The following SYCP2 variants were observed in gnomAD, a reference collection of about 807,000 sequenced individuals.
SYCP2 encodes the protein synaptonemal complex lateral element protein.
In SYCP2, 55 loss-of-function variants were observed where a neutral mutation model predicts 211.3. The observed-to-expected ratio is 0.26, with a 90% CI of 0.21 to 0.33. The LOEUF is 0.33. Ranked by LOEUF, SYCP2 falls within the 10% of genes least tolerant of loss-of-function variation. SYCP2 has a pLI of 1.00. For synonymous variants in SYCP2, 570 were observed against 555.2 expected (o/e 1.03, Z -0.37); for missense variants, 1,731 against 1,752.0 (o/e 0.99, Z 0.21).
chr20:59,889,313 G>A (rs548028083), intron 24 of SYCP2, among the ~76,000 whole-genome samples: 19 of 152,036 alleles, frequency 1.2e-4, no homozygotes, highest in Non-Finnish European at 2.4e-4. Flanking sequence ...GTTAATAATA[G>A]GGGAATGGGT....
chr20:59,868,710 T>G, intron 37 of SYCP2, 125 bp downstream of exon 37: 2 of 1,239,274 alleles, frequency 1.6e-6, no homozygotes, highest in Non-Finnish European at 2.2e-6. Context: ...CAATTCTACC[T>G]AGTTTATTTT....
At chr20:59,878,640 T>C (rs929791274) in intron 31 of SYCP2, among the ~76,000 whole-genome samples, 4 of 152,100 alleles carry the variant, frequency 2.6e-5, no homozygotes, top group Non-Finnish European at 4.4e-5. Flanking sequence ...AATCTGCAGG[T>C]CTTAGTTACT....
chr20:59,871,088 G>T (rs2145612603), intron 35 of SYCP2, among the ~76,000 whole-genome samples: 1 of 151,922 alleles, frequency 6.6e-6, no homozygotes, highest in Admixed American at 6.6e-5. Context: ...ACTAGGAAAA[G>T]AATGTTTACA....
rs755043720 is a variant in SYCP2, at chr20:59,865,856, C to T, written c.4330G>A (p.Glu1444Lys). 7.9e-6 allele frequency: 11 copies of T among 1,390,866 alleles called. No homozygotes were observed. The highest frequency in any genetic ancestry group is 2.1e-5 in the Admixed American group (1 of 47,598). 86.2% of individuals were successfully genotyped at this position (1,390,866 alleles called of 1,614,324 possible). Reference protein sequence around the residue: ...DLEKEFVDFWEKIFQKFSAYQ... With the variant: ...DLEKEFVDFWKKIFQKFSAYQ... The stretch of plus-strand genomic sequence containing the variant: ...GCACTGAACTTCTGAAATATCTTTT[C>T]CCAAAAGTCCTAAATTAATTAATAA... Residue 1444 changes from glutamate (E) to lysine (K), a missense_variant, in exon 42 of 45, where the codon GAA (glutamate) becomes AAA (lysine). Physicochemically the swap from Glu to Lys is moderately conservative, Grantham distance 56. Coordinates refer to ENST00000357552, the MANE Select transcript of SYCP2 (RefSeq NM_014258.4).
intron 1 of SYCP2, 49 bp from the exon 2 acceptor site, chr20:59,932,203 A>G (rs2060761433): frequency 6.6e-6 from 1 of 152,182 alleles, no homozygotes; most frequent in African/African-American, 2.4e-5. Flanking sequence ...CAAAGAAAAC[A>G]ATTTGGCAGA....
chr20:59,929,140 GGCTAATAAA>G (rs2060687325), intron 2 of SYCP2, among the ~76,000 whole-genome samples: 1 of 152,020 alleles, frequency 6.6e-6, no homozygotes, highest in South Asian at 2.1e-4. Context: ...AAACTCAACT[GGCTAATAAA>G]GAAATGAAAA....
At position 59,892,301 on chromosome 20, in the gene SYCP2, C is replaced by A; in HGVS notation, c.2053G>T (p.Ala685Ser). Residue 685 changes from alanine to serine, a missense_variant, in exon 24 of 45, where the codon GCA becomes TCA. This residue lies in a region of SYCP2 where 1,387 missense variants were observed against 1,351.3 expected (regional missense o/e 1.03). Coordinates refer to ENST00000357552, the MANE Select transcript of SYCP2 (RefSeq NM_014258.4). ...TGTTTCTTGCAAACTTCTACTTCTG[C>A]TTTATCTATTTTGATATGGTCGGTT... ...EQTDHIKIDKAEVEVCKKHNQ... is the reference protein window; with the variant it reads ...EQTDHIKIDKSEVEVCKKHNQ... 1.2e-6 allele frequency: 2 copies of A among 1,612,104 alleles called. No individual in the cohort carries two copies. The highest frequency in any genetic ancestry group is 1.7e-6 in the Non-Finnish European group (2 of 1,178,978).
In SYCP2 at chr20:59,869,776, TAA is replaced by T; in HGVS notation, c.3741+20_3741+21del. 1.3e-6 allele frequency: 2 copies of T among 1,490,692 alleles called. No homozygotes were observed. Among genetic ancestry groups the T allele is most frequent in the Non-Finnish European group, 9.2e-7 (1 of 1,086,388 alleles). 92.3% of individuals were successfully genotyped at this position (1,490,692 alleles called of 1,614,324 possible). On this transcript the variant is annotated intron_variant, in intron 36 of 44. Coordinates refer to ENST00000357552, the MANE Select transcript of SYCP2 (RefSeq NM_014258.4). ...ACCATCTTAGTGTAAGGAAAATTTA[TAA>T]GTTATAGTCCCACACTTACCTCTCT...
rs13039338 is a variant in SYCP2, at chr20:59,901,786, G to T, written c.1058C>A (p.Thr353Lys). ...IEVRESKKLLTIILKNTVKIS... is the reference protein window; with the variant it reads ...IEVRESKKLLKIILKNTVKIS... ...TTTTACTGTATTTTTCAGAATTATT[G>T]TCAGTAGCTTCTTTGATTCTCTCAC... is the stretch of plus-strand genomic sequence containing the variant. The change falls in exon 16 of 45, where the codon ACA becomes AAA. Residue 353 changes from threonine to lysine, a missense_variant. By Grantham distance (78) the Thr-to-Lys change is moderately conservative (BLOSUM62 -1). Around this residue, in one of 3 missense-constraint regions of SYCP2, gnomAD observed 1,387 missense variants for 1,351.3 expected, o/e 1.03. Transcript: ENST00000357552. 37,801 of 1,595,860 alleles carry T rather than the reference G, an allele frequency of 0.024. 562 individuals are homozygous for T. Among genetic ancestry groups the T allele is most frequent in the Non-Finnish European group, 0.029 (33,913 of 1,171,176 alleles).
chr20:59,903,109 T>A (rs1430564186), intron 15 of SYCP2, among the ~76,000 whole-genome samples: 1 of 152,150 alleles, frequency 6.6e-6, no homozygotes, highest in Non-Finnish European at 1.5e-5. Context: ...GTACAAAAAT[T>A]TGTCTACCTA....
intron 13 of SYCP2, 141 bp from the exon 14 acceptor site, chr20:59,911,986 G>C (rs936673458): frequency 2.2e-6 from 1 of 452,426 alleles, no homozygotes; most frequent in South Asian, 6.0e-5. Context: ...ATAATATTTA[G>C]ATAAATTTAA....
intron 2 of SYCP2, among the ~76,000 whole-genome samples, chr20:59,927,229 C>G (rs1270529021): frequency 6.6e-6 from 1 of 152,146 alleles, no homozygotes; most frequent in Non-Finnish European, 1.5e-5. Context: ...TTAAATCTTT[C>G]AGTCCTTGGT....
At chr20:59,889,531 CAT>C (rs563223464) in intron 24 of SYCP2, among the ~76,000 whole-genome samples, 82 of 152,008 alleles carry the variant, frequency 5.4e-4, no homozygotes, top group African/African-American at 1.9e-3. Context: ...GGTTATCAGG[CAT>C]ATATAGGTTT....
intron 25 of SYCP2, among the ~76,000 whole-genome samples, 197 bp from the exon 26 acceptor site, chr20:59,886,161 T>A (rs2059784189): frequency 6.6e-6 from 1 of 152,084 alleles, no homozygotes; most frequent in African/African-American, 2.4e-5. Context: ...CGAAGCTGAA[T>A]CATTAATGCA....
chr20:59,920,282 T>G, intron 5 of SYCP2, 77 bp downstream of exon 5: 1 of 1,293,798 alleles, frequency 7.7e-7, no homozygotes. Context: ...TTTCAACAAT[T>G]TGGATAATTT....
rs76832521 is a variant in SYCP2, at chr20:59,916,718, C to T, written c.428-147G>A. ...ACTTTGGAAGGCCCAGATAGGTAGA[C>T]TGCTTGAGCCCAGGAGTTTGAGACC... On this transcript the variant is annotated intron_variant, in intron 7 of 44. Coordinates refer to ENST00000357552, the MANE Select transcript of SYCP2 (RefSeq NM_014258.4). 497 of 557,966 alleles carry T rather than the reference C, an allele frequency of 8.9e-4. 1 individual carries two copies. Among genetic ancestry groups the T allele is most frequent in the African/African-American group, 8.5e-3 (436 of 51,456 alleles). 34.6% of individuals were successfully genotyped at this position (557,966 alleles called of 1,614,324 possible).
At position 59,868,372 on chromosome 20, in the gene SYCP2, C is replaced by T. The variant is rs764760081; in HGVS notation, c.3988+41G>A. The stretch of plus-strand genomic sequence containing the variant: ...TCATTCAAAATATAAGAACCACCCT[C>T]CAAATAACTGCATTTTGATACAGGC... On this transcript the variant is annotated intron_variant, in intron 38 of 44. Transcript: ENST00000357552. 15 of 1,581,576 alleles carry T rather than the reference C, an allele frequency of 9.5e-6. No individual in the cohort carries two copies. The Admixed American group carries it at 1.6e-4, about 17-fold the overall frequency.
chr20:59,907,471 T>G (rs780727256), intron 14 of SYCP2, 47 bp from the exon 15 acceptor site: 3 of 1,478,710 alleles, frequency 2.0e-6, no homozygotes, highest in Non-Finnish European at 2.8e-6. Flanking sequence ...TATTTCTGAT[T>G]TACAGTTTCT....
rs140820361 is a variant in SYCP2 at position 59,892,346 on chromosome 20, C to T, written c.2008G>A (p.Val670Met). The T allele has an allele frequency of 6.2e-7, 1 of 1,603,378 alleles. No homozygotes were observed. The highest frequency in any genetic ancestry group is 8.5e-7 in the Non-Finnish European group (1 of 1,173,532). The change falls in exon 24 of 45, where the codon GTG (valine) becomes ATG (methionine). Residue 670 changes from valine to methionine, a missense_variant. Coordinates refer to ENST00000357552, the MANE Select transcript of SYCP2 (RefSeq NM_014258.4). ...SDHNSEGTGK[V>M]KYKKEQTDHI... is the part of the protein sequence containing the mutation. ...TCGGTTTGTTCTTTCTTATATTTCA[C>T]TTTTCCTGTTCCTTCAGAATTATGA... is the stretch of plus-strand genomic sequence containing the variant.
Sources: allele counts gnomAD v4.1 joint callset (sites outside exome capture counted in the v4.1 genomes callset), GRCh38; gene constraint gnomAD v4.1.1; regional missense constraint gnomAD v4.1.1; transcripts MANE v1.5; gene names NCBI Gene and HGNC (gene_info 2026-07-23, HGNC 2026-07-21).